AK5: variants seen among roughly 807,000 people sequenced by gnomAD.
AK5 encodes adenylate kinase isoenzyme 5.
Under a neutral mutation model 69.5 loss-of-function variants are expected in AK5, and 27 were observed. The ratio of observed to expected loss-of-function variants is 0.39; its 90% CI spans 0.29 to 0.54. The LOEUF is 0.54. AK5 is among the 20% of genes least tolerant of loss of function. AK5 has a pLI of 0.71. For synonymous variants in AK5, 260 were observed against 244.4 expected, an observed-to-expected ratio of 1.06 and a Z score of -0.60; for missense variants, 531 against 700.4, an observed-to-expected ratio of 0.76 and a Z score of 2.73.
In AK5 at chr1:77,559,640, T is replaced by C. The variant is rs1392791978; in HGVS notation, c.*970T>C. 3 of 152,214 alleles carry C rather than the reference T, an allele frequency of 2.0e-5. No individual in the cohort carries two copies. The highest frequency in any genetic ancestry group is 4.4e-5 in the Non-Finnish European group (3 of 68,044). The allele number at this position is 152,214 out of a possible 1,614,324, so 9.4% of individuals were successfully genotyped here. ...GTAAGTGGTGTGTTCAATGTGTTTG[T>C]TTCATATGGGCCCTTTCCAGGAGTT... On this transcript the variant is annotated 3_prime_UTR_variant, in exon 14 of 14. Transcript: ENST00000354567.
chr1:77,342,831 GT>G (rs200089511), intron 6 of AK5, among the ~76,000 whole-genome samples: 118 of 145,226 alleles, frequency 8.1e-4, no homozygotes, highest in Middle Eastern at 3.6e-3. Context: ...TTTCTCTGTA[GT>G]TTTTTTTTTT....
rs531892253 is a variant in AK5 at position 77,524,042 on chromosome 1, T to C, written c.1428+2099T>C. 1.4e-4 allele frequency among the ~76,000 whole-genome samples: 21 copies of C among 152,364 alleles called. No homozygotes were observed. The South Asian group carries it at 4.4e-3, about 32-fold the overall frequency. ...CTTCCTATCTCTGTGAATTTCACTA[T>C]TCTAGGTACCTCTTATTTCACTTAA... On this transcript the variant is annotated intron_variant, in intron 12 of 13. Coordinates refer to ENST00000354567, the MANE Select transcript of AK5 (RefSeq NM_174858.3).
intron 8 of AK5, among the ~76,000 whole-genome samples, chr1:77,465,864 G>C (rs977173545): frequency 6.6e-6 from 1 of 152,080 alleles, no homozygotes; most frequent in Non-Finnish European, 1.5e-5. Context: ...AAATTCTTGC[G>C]ATCATCTCAT....
chr1:77,486,806 G>C (rs953851149), intron 10 of AK5, among the ~76,000 whole-genome samples: 47 of 151,994 alleles, frequency 3.1e-4, no homozygotes, highest in African/African-American at 1.1e-3. Flanking sequence ...TTTCTTTCAC[G>C]TATGCAGTTG....
intron 6 of AK5, among the ~76,000 whole-genome samples, chr1:77,396,691 G>A (rs1648854441): frequency 6.6e-6 from 1 of 152,220 alleles, no homozygotes; most frequent in African/African-American, 2.4e-5. Context: ...AGGAACATAG[G>A]ATTTGTTCTT....
Position 77,320,554 on chromosome 1 carries a change from G to GC in AK5, c.700-19821dup, listed in dbSNP as rs1025547595. Among the ~76,000 whole-genome samples the GC allele has an allele frequency of 5.1e-4, 78 of 152,220 alleles. 1 individual carries two copies. Among genetic ancestry groups the GC allele is most frequent in the African/African-American group, 1.8e-3 (75 of 41,532 alleles). ...ACCTGAGGTCAGGAGTTTGGGACCAGCCTGGTCAATATGGTGAAACCCCAT... is the reference window on the plus strand; with the variant it reads ...ACCTGAGGTCAGGAGTTTGGGACCAGCCCTGGTCAATATGGTGAAACCCCAT... On this transcript the variant is annotated intron_variant, in intron 5 of 13. Coordinates refer to ENST00000354567, the MANE Select transcript of AK5 (RefSeq NM_174858.3).
chr1:77,368,230 TATATATATATATATA>T (rs1278628716), intron 6 of AK5, among the ~76,000 whole-genome samples: 1 of 26,486 alleles, frequency 3.8e-5, no homozygotes, highest in African/African-American at 1.1e-4. Flanking sequence ...TATATATATA[TATATATATATATATA>T]TATATATAAT....
chr1:77,283,133 TG>T (rs1298779917), intron 1 of AK5: 2 of 985,640 alleles, frequency 2.0e-6, no homozygotes, highest in South Asian at 4.7e-5. Context: ...GACCCGGGAA[TG>T]GGGGGACACT....
chr1:77,307,913 T>C (rs1659734152), intron 5 of AK5, among the ~76,000 whole-genome samples: 1 of 152,112 alleles, frequency 6.6e-6, no homozygotes, highest in Non-Finnish European at 1.5e-5. Context: ...CATGAAGGTG[T>C]TTTTTCTATA....
chr1:77,372,763 G>C (rs1369045691), intron 6 of AK5, among the ~76,000 whole-genome samples: 9 of 130,930 alleles, frequency 6.9e-5, no homozygotes, highest in Admixed American at 6.8e-4. Context: ...TAAAATGTGT[G>C]TGTGTGTGCG....
intron 6 of AK5, among the ~76,000 whole-genome samples, chr1:77,387,413 G>A (rs192791786): frequency 6.6e-6 from 1 of 152,204 alleles, no homozygotes; most frequent in African/African-American, 2.4e-5. Flanking sequence ...AATTGTCACT[G>A]TAAATTTCTA....
intron 6 of AK5, among the ~76,000 whole-genome samples, chr1:77,357,992 A>AGTGTGTGTGTGTGTGT (rs10643921): frequency 0.016 from 1,987 of 121,030 alleles, 21 homozygotes; most frequent in South Asian, 0.039. Flanking sequence ...TATGGAGAGT[A>AGTGTGTGTGTGTGTGT]GTGTGTGTGT....
At chr1:77,486,655 G>A (rs778302063) in intron 10 of AK5, among the ~76,000 whole-genome samples, 17 of 150,300 alleles carry the variant, frequency 1.1e-4, no homozygotes, top group African/African-American at 2.9e-4. Flanking sequence ...CCGAGATCGC[G>A]CCACTGCACT....
At chr1:77,348,757 CCACACACA>C (rs139956064) in intron 6 of AK5, among the ~76,000 whole-genome samples, 1 of 150,940 alleles carries the variant, frequency 6.6e-6, no homozygotes, top group Non-Finnish European at 1.5e-5. Flanking sequence ...ACCCACACAC[CCACACACA>C]CACACAAACA....
At chr1:77,367,820 AT>A (rs1204083949) in intron 6 of AK5, among the ~76,000 whole-genome samples, 1 of 32,646 alleles carries the variant, frequency 3.1e-5, no homozygotes, top group Non-Finnish European at 4.8e-5. Context: ...TGTTATATAT[AT>A]TATATATAAT....
intron 6 of AK5, among the ~76,000 whole-genome samples, chr1:77,405,728 A>C (rs1176891474): frequency 3.3e-5 from 5 of 152,154 alleles, no homozygotes; most frequent in Non-Finnish European, 5.9e-5. Flanking sequence ...GAGCAGTGAA[A>C]GACAGGAGAC....
At chr1:77,323,377 G>A (rs1239746695) in intron 5 of AK5, among the ~76,000 whole-genome samples, 3 of 152,076 alleles carry the variant, frequency 2.0e-5, no homozygotes, top group Non-Finnish European at 4.4e-5. Flanking sequence ...CTTCTTTTCT[G>A]CTGAGTAAAT....
intron 5 of AK5, among the ~76,000 whole-genome samples, chr1:77,299,369 C>A (rs955221701): frequency 6.6e-6 from 1 of 150,850 alleles, no homozygotes; most frequent in Non-Finnish European, 1.5e-5. Context: ...TTACAGATAT[C>A]GTATTAAACA....
At chr1:77,466,430 G>T (rs1253369720) in intron 8 of AK5, among the ~76,000 whole-genome samples, 1 of 152,126 alleles carries the variant, frequency 6.6e-6, no homozygotes, top group African/African-American at 2.4e-5. Flanking sequence ...TGAGGAGAGG[G>T]ACCATGTTTG....
Sources: gnomAD v4.1 joint callset for allele counts (sites outside exome capture counted in the v4.1 genomes callset) on GRCh38, gnomAD v4.1.1 for gene constraint, MANE v1.5 for transcripts, NCBI Gene and HGNC (gene_info 2026-07-23, HGNC 2026-07-21) for gene names.